The following ZNF738 variants were observed in gnomAD, a reference collection of about 807,000 sequenced individuals.
The protein encoded by ZNF738 is protein ZNF738.
A neutral mutation model predicts 9.2 loss-of-function variants in ZNF738; 10 were observed. The ratio of observed to expected loss-of-function variants is 1.09; its 90% CI spans 0.67 to 1.85. The LOEUF (loss-of-function observed/expected upper bound fraction) is 1.85. Ranked by LOEUF, ZNF738 falls within the 40% of genes most tolerant of loss-of-function variation. ZNF738 has a pLI of 0.00. For missense variants in ZNF738, 346 were observed against 283.6 expected (o/e 1.22, Z -1.58); for synonymous variants, 113 against 94.5 (o/e 1.20, Z -1.14).
At chr19:21,381,561 T>C (rs1974004666) in intron 4 of ZNF738, 2 of 660,780 alleles carry the variant, frequency 3.0e-6, no homozygotes. Flanking sequence ...TGGCGTGATC[T>C]CAGCTCACTG....
Position 21,386,517 on chromosome 19 carries a change from T to A in ZNF738, c.*2843T>A, listed in dbSNP as rs1974069263. ...AGAAACCTCACAACTGTGAAGAATG[T>A]GGCAAAGCTTTTAACCAGTCCTACA... On this transcript the variant is annotated 3_prime_UTR_variant, in exon 5 of 5. Transcript: ENST00000683779. 1 of 379,702 alleles carries A rather than the reference T, an allele frequency of 2.6e-6. No homozygotes were observed. Among genetic ancestry groups the A allele is most frequent in the Middle Eastern group, 3.9e-4 (1 of 2,572 alleles). 23.5% of individuals were successfully genotyped at this position (379,702 alleles called of 1,614,324 possible). A position where few individuals can be genotyped will look rare whatever the true frequency, so the allele number is the denominator to read the frequency against.
At chr19:21,365,207 T>A (rs1001020174) in intron 2 of ZNF738, among the ~76,000 whole-genome samples, 7 of 152,136 alleles carry the variant, frequency 4.6e-5, no homozygotes, top group African/African-American at 1.7e-4. Flanking sequence ...GAGGTCACAC[T>A]CATTGCCATC....
Position 21,388,510 on chromosome 19 carries a change from A to G in ZNF738, c.*4836A>G, listed in dbSNP as rs548058469. 3.3e-5 allele frequency among the ~76,000 whole-genome samples: 5 copies of G among 152,272 alleles called. No individual in the cohort carries two copies. The South Asian group carries it at 1.0e-3, about 32-fold the overall frequency. On this transcript the variant is annotated 3_prime_UTR_variant, in exon 5 of 5. Coordinates refer to ENST00000683779, the MANE Select transcript of ZNF738 (RefSeq NM_001355237.2). ...TCTTTTGCATTATGAGAAAACTAGTAGTATATTATTAGTATATTATTGTAC... is the reference window on the plus strand; with the variant it reads ...TCTTTTGCATTATGAGAAAACTAGTGGTATATTATTAGTATATTATTGTAC...
chr19:21,367,497 G>A (rs7258335), intron 2 of ZNF738, among the ~76,000 whole-genome samples: 85,909 of 151,872 alleles, frequency 0.57, 24,581 homozygotes, highest in Middle Eastern at 0.69. Flanking sequence ...TCAAATGTTA[G>A]ACATTGAGTT....
rs142661365 is a variant in ZNF738, at chr19:21,385,916, A to G, written c.*2242A>G. 3.2e-4 allele frequency among the ~76,000 whole-genome samples: 48 copies of G among 152,268 alleles called. No individual in the cohort carries two copies. The highest frequency in any genetic ancestry group is 1.2e-3 in the African/African-American group (48 of 41,574). ...ACACTTACTAAACAGAATTCATAGC[A>G]GAGAGAAATCCTACAAATATGAAGA... On this transcript the variant is annotated 3_prime_UTR_variant, in exon 5 of 5. Coordinates refer to ENST00000683779, the MANE Select transcript of ZNF738 (RefSeq NM_001355237.2).
chr19:21,380,634 CTT>C (rs1202929334), intron 4 of ZNF738, among the ~76,000 whole-genome samples: 1 of 152,182 alleles, frequency 6.6e-6, no homozygotes, highest in Admixed American at 6.5e-5. Context: ...TCTTTCTCAC[CTT>C]TTAATACCAT....
At position 21,385,411 on chromosome 19, in the gene ZNF738, G is replaced by T. The variant is rs1315557595; in HGVS notation, c.*1737G>T. 6.6e-6 allele frequency among the ~76,000 whole-genome samples: 1 copy of T among 151,766 alleles called. No individual in the cohort carries two copies. The highest frequency in any genetic ancestry group is 1.5e-5 in the Non-Finnish European group (1 of 67,984). Reference sequence around the variant, plus strand: ...GTGGAGGTTGCAGTGAGCTGAGATGGCTCCACTGCACTCCAGCCTGGATGA... The same window carrying T: ...GTGGAGGTTGCAGTGAGCTGAGATGTCTCCACTGCACTCCAGCCTGGATGA... On this transcript the variant is annotated 3_prime_UTR_variant, in exon 5 of 5. Coordinates refer to ENST00000683779, the MANE Select transcript of ZNF738 (RefSeq NM_001355237.2).
chr19:21,384,418 A>G lies in ZNF738; in HGVS notation c.*744A>G, dbSNP rs970298270. ...ATTCATAATGGAGAGAAACCCTACA[A>G]ATGTTTAGAATGTGGCAAAGATTTC... On this transcript the variant is annotated 3_prime_UTR_variant, in exon 5 of 5. Coordinates refer to ENST00000683779, the MANE Select transcript of ZNF738 (RefSeq NM_001355237.2). Among the ~76,000 whole-genome samples, 1 of 152,124 alleles carries G rather than the reference A, an allele frequency of 6.6e-6. No homozygotes were observed. The highest frequency in any genetic ancestry group is 1.5e-5 in the Non-Finnish European group (1 of 68,018).
At chr19:21,362,639 T>C (rs1973715914) in intron 2 of ZNF738, among the ~76,000 whole-genome samples, 1 of 152,194 alleles carries the variant, frequency 6.6e-6, no homozygotes, top group Admixed American at 6.5e-5. Context: ...AAGGTTACAT[T>C]ATATTAGTAG....
At position 21,377,454 on chromosome 19, in the gene ZNF738, A is replaced by G. The variant is rs137913812; in HGVS notation, c.319+1490A>G. 373 of 708,054 alleles carry G rather than the reference A, an allele frequency of 5.3e-4. 1 individual carries two copies. The African/African-American group carries it at 5.8e-3, about 11-fold the overall frequency. 43.9% of individuals were successfully genotyped at this position (708,054 alleles called of 1,614,324 possible). On this transcript the variant is annotated intron_variant, in intron 4 of 4. Coordinates refer to ENST00000683779, the MANE Select transcript of ZNF738 (RefSeq NM_001355237.2). ...GTCTAGGTGTTTCTTCCAGTCTGTCAATATTTGCTTTATATATTTGGAACC... is the reference window on the plus strand; with the variant it reads ...GTCTAGGTGTTTCTTCCAGTCTGTCGATATTTGCTTTATATATTTGGAACC...
rs772107223 is a variant in ZNF738, at chr19:21,383,284, C to T, written c.738C>T (p.Thr246=). The T allele has an allele frequency of 3.3e-5, 51 of 1,561,598 alleles. No homozygotes were observed. Among genetic ancestry groups the T allele is most frequent in the Non-Finnish European group, 4.1e-5 (47 of 1,140,410 alleles). ...GCAAAGCCTTTAAATGGTTCTCAAC[C>T]CTTACTAGACACAAGAGAATTCATA... ...ECGKAFKWFS[T]LTRHKRIHTG... The change falls in exon 5 of 5, where the codon ACC becomes ACT. Residue 246 remains threonine (T), a synonymous_variant. Coordinates refer to ENST00000683779, the MANE Select transcript of ZNF738 (RefSeq NM_001355237.2).
In ZNF738 at chr19:21,385,963, C is replaced by T. The variant is rs1034132098; in HGVS notation, c.*2289C>T. Among the ~76,000 whole-genome samples, 2 of 152,086 alleles carry T rather than the reference C, an allele frequency of 1.3e-5. No homozygotes were observed. The highest frequency in any genetic ancestry group is 2.9e-5 in the Non-Finnish European group (2 of 68,026). On this transcript the variant is annotated 3_prime_UTR_variant, in exon 5 of 5. Coordinates refer to ENST00000683779, the MANE Select transcript of ZNF738 (RefSeq NM_001355237.2). ...AAGAATGTCACAAAGCTTTTAACCA[C>T]TTCTCAACCCTGATGACACATAAGG... is the stretch of plus-strand genomic sequence containing the variant.
chr19:21,384,921 A>G lies in ZNF738; in HGVS notation c.*1247A>G, dbSNP rs961675763. Among the ~76,000 whole-genome samples, 7 of 152,274 alleles carry G rather than the reference A, an allele frequency of 4.6e-5. No individual in the cohort carries two copies. The highest frequency in any genetic ancestry group is 1.2e-4 in the African/African-American group (5 of 41,480). On this transcript the variant is annotated 3_prime_UTR_variant, in exon 5 of 5. Coordinates refer to ENST00000683779, the MANE Select transcript of ZNF738 (RefSeq NM_001355237.2). ...AATTCATATTGGAGAATAACACTACAAATGTAAAAAATGTGGCAAACCTTA... is the reference window on the plus strand; with the variant it reads ...AATTCATATTGGAGAATAACACTACGAATGTAAAAAATGTGGCAAACCTTA...
intron 4 of ZNF738, among the ~76,000 whole-genome samples, chr19:21,382,458 C>T (rs1974017682): frequency 6.6e-6 from 1 of 151,914 alleles, no homozygotes; most frequent in Admixed American, 6.6e-5. Context: ...AGGATGGTCT[C>T]AATCTCCTGA....
chr19:21,380,258 CAAAAT>C (rs965757690), intron 4 of ZNF738, among the ~76,000 whole-genome samples: 12 of 152,252 alleles, frequency 7.9e-5, no homozygotes, highest in South Asian at 2.1e-4. Context: ...TCTTCCCACT[CAAAAT>C]AAAATAAAAA....
chr19:21,365,127 C>T (rs1376871917), intron 2 of ZNF738, among the ~76,000 whole-genome samples: 2 of 152,030 alleles, frequency 1.3e-5, no homozygotes, highest in Non-Finnish European at 2.9e-5. Context: ...TATAGGGTAA[C>T]TTCCTGATGT....
At chr19:21,367,806 C>T (rs1973803278) in intron 2 of ZNF738, among the ~76,000 whole-genome samples, 1 of 152,174 alleles carries the variant, frequency 6.6e-6, no homozygotes, top group South Asian at 2.1e-4. Flanking sequence ...TGTCCACACT[C>T]CTCCCAGGAC....
intron 2 of ZNF738, among the ~76,000 whole-genome samples, chr19:21,368,898 A>G (rs948061707): frequency 6.6e-6 from 1 of 151,966 alleles, no homozygotes; most frequent in African/African-American, 2.4e-5. Flanking sequence ...CACGACGCCC[A>G]GCTGATTTTT....
At chr19:21,366,448 A>G (rs139649307) in intron 2 of ZNF738, among the ~76,000 whole-genome samples, 17 of 152,248 alleles carry the variant, frequency 1.1e-4, no homozygotes, top group African/African-American at 3.6e-4. Flanking sequence ...AAGTCAGCCA[A>G]TTGGTATCCA....
Sources: gnomAD v4.1 joint callset for allele counts (sites outside exome capture counted in the v4.1 genomes callset) on GRCh38, gnomAD v4.1.1 for gene constraint, MANE v1.5 for transcripts, NCBI Gene and HGNC (gene_info 2026-07-23, HGNC 2026-07-21) for gene names.